The following CCDC40 variants were observed in gnomAD, a reference collection of about 807,000 sequenced individuals.
CCDC40 encodes the protein coiled-coil domain-containing protein 40.
CCDC40 carries 104 observed loss-of-function variants against 124.5 expected under a neutral mutation model. The ratio of observed to expected loss-of-function variants is 0.84; its 90% CI spans 0.71 to 0.98. CCDC40 has a LOEUF of 0.98. CCDC40 is among the 50% of genes least tolerant of loss of function. The pLI is 0.00. For missense variants in CCDC40, 1,463 were observed against 1,503.9 expected (o/e 0.97, Z 0.45); for synonymous variants, 580 against 602.9 (o/e 0.96, Z 0.56).
intron 10 of CCDC40, among the ~76,000 whole-genome samples, chr17:80,071,898 G>A (rs1248603322): frequency 7.2e-6 from 1 of 139,224 alleles, no homozygotes; most frequent in East Asian, 2.2e-4. Flanking sequence ...GTGCAATGGT[G>A]CGATCTCAGC....
chr17:80,072,607 C>A (rs925010643), intron 10 of CCDC40, among the ~76,000 whole-genome samples: 1 of 152,212 alleles, frequency 6.6e-6, no homozygotes, highest in African/African-American at 2.4e-5. Context: ...CCAGCCCTGG[C>A]AACCGCTGTG....
chr17:80,038,058 G>A, intron 1 of CCDC40, 65 bp from the exon 2 acceptor site: 1 of 1,045,558 alleles, frequency 9.6e-7, no homozygotes. Flanking sequence ...GAATTCAGGA[G>A]GGGATAAGGA....
At chr17:80,071,783 G>A (rs575078918) in intron 10 of CCDC40, among the ~76,000 whole-genome samples, 6 of 151,950 alleles carry the variant, frequency 3.9e-5, no homozygotes, top group Middle Eastern at 3.4e-3. Context: ...GGGCTGAGCC[G>A]GGGTGCCTGG....
At chr17:80,057,999 C>T (rs566679846) in intron 7 of CCDC40, among the ~76,000 whole-genome samples, 3 of 152,298 alleles carry the variant, frequency 2.0e-5, no homozygotes, top group African/African-American at 4.8e-5. Context: ...ATGGAAGCTG[C>T]TGCCTCTTCT....
At chr17:80,095,582 T>C (rs1010589172) in intron 18 of CCDC40, 131 bp downstream of exon 18, 7 of 819,310 alleles carry the variant, frequency 8.5e-6, no homozygotes, top group South Asian at 1.6e-5. Flanking sequence ...TCAGCACTGC[T>C]AACCTGCTGC....
In CCDC40 at chr17:80,036,680, C is replaced by T. The variant is rs533801756; in HGVS notation, c.18C>T (p.Gly6=). 5.8e-5 allele frequency: 85 copies of T among 1,457,582 alleles called. 1 individual carries two copies. The South Asian group carries it at 1.0e-3, about 17-fold the overall frequency. 90.3% of individuals were successfully genotyped at this position (1,457,582 alleles called of 1,614,324 possible). A position where few individuals can be genotyped will look rare whatever the true frequency, so the allele number is the denominator to read the frequency against. MAEPG[G]AAGRSHPEDG... Reference sequence around the variant, plus strand: ...AACGGGAAATGGCGGAACCGGGCGGCGCGGCGGGCCGGTAAGCCGGGCCGA... The same window carrying T: ...AACGGGAAATGGCGGAACCGGGCGGTGCGGCGGGCCGGTAAGCCGGGCCGA... The change falls in exon 1 of 20, where the codon GGC becomes GGT. Residue 6 remains glycine (G), a synonymous_variant. Transcript: ENST00000397545.
At chr17:80,073,436 T>G (rs1393462287) in intron 10 of CCDC40, among the ~76,000 whole-genome samples, 1 of 152,202 alleles carries the variant, frequency 6.6e-6, no homozygotes, top group Non-Finnish European at 1.5e-5. Context: ...TCATCGTCCG[T>G]TATGGTGATC....
Position 80,084,934 on chromosome 17 carries a change from AGG to A in CCDC40, c.2183_2184del (p.Gly728AlafsTer27), listed in dbSNP as rs751191119. 2.5e-5 allele frequency: 40 copies of A among 1,613,954 alleles called. No homozygotes were observed. The highest frequency in any genetic ancestry group is 2.9e-5 in the Non-Finnish European group (34 of 1,180,026). ...RRTILIERKQ[G>X]LINFLNKQLE... ...GCACGATCCTGATCGAGAGGAAGCA[AGG>A]GCTCATCAACTTCCTCAACAAGCAG... On this transcript the variant is annotated frameshift_variant, in exon 13 of 20. Coordinates refer to ENST00000397545, the MANE Select transcript of CCDC40 (RefSeq NM_017950.4). LOFTEE classifies it high-confidence loss of function.
chr17:80,092,333 G>A (rs1377805115), intron 17 of CCDC40, among the ~76,000 whole-genome samples: 1 of 151,822 alleles, frequency 6.6e-6, no homozygotes. Context: ...ACTGTGCCCA[G>A]CCAGCCCTAC....
chr17:80,097,173 C>T, intron 18 of CCDC40, 72 bp from the exon 19 acceptor site: 1 of 1,556,068 alleles, frequency 6.4e-7, no homozygotes, highest in Non-Finnish European at 8.8e-7. Context: ...GCAGGTCCTC[C>T]CAGCCTGACT....
rs375800869 is a variant in CCDC40 at position 80,065,500 on chromosome 17, G to A, written c.1456G>A (p.Asp486Asn). 90 of 1,612,172 alleles carry A rather than the reference G, an allele frequency of 5.6e-5. No individual in the cohort carries two copies. Among genetic ancestry groups the A allele is most frequent in the African/African-American group, 5.4e-4 (40 of 74,654 alleles). ...TTGGCTGCAGGCCTGCACCGAGATC[G>A]ACGCCATCAGCGTGGAGAAGAGGCG... is the stretch of plus-strand genomic sequence containing the variant. ...KAVSEACTEIDAISVEKRRIM... is the reference protein window; with the variant it reads ...KAVSEACTEINAISVEKRRIM... The change falls in exon 10 of 20, where the codon GAC becomes AAC. Residue 486 changes from aspartate (D) to asparagine (N), a missense_variant. Physicochemically the swap from Asp to Asn is conservative, Grantham distance 23 (BLOSUM62 1). Coordinates refer to ENST00000397545, the MANE Select transcript of CCDC40 (RefSeq NM_017950.4).
intron 2 of CCDC40, 125 bp downstream of exon 2, chr17:80,038,311 A>T (rs777560927): frequency 1.0e-5 from 7 of 668,056 alleles, no homozygotes; most frequent in Non-Finnish European, 1.9e-5. Flanking sequence ...CAGGTGGATC[A>T]CATGAGGTTA....
rs1343921500 is a variant in CCDC40, at chr17:80,086,322, C to T, written c.2449+106C>T. 9 of 910,650 alleles carry T rather than the reference C, an allele frequency of 9.9e-6. No individual in the cohort carries two copies. Among genetic ancestry groups the T allele is most frequent in the African/African-American group, 6.6e-5 (4 of 60,500 alleles). 56.4% of individuals were successfully genotyped at this position (910,650 alleles called of 1,614,324 possible). On this transcript the variant is annotated intron_variant, in intron 14 of 19. Transcript: ENST00000397545. This position sits in a 1 kb window ranked among gnomAD's most constrained non-coding sequence, Gnocchi z 5.5. Reference sequence around the variant, plus strand: ...AGTGGGGCACGTCGCTGGATTTGCACGCAGCCTTAAAAGCAAATAACAAAC... The same window carrying T: ...AGTGGGGCACGTCGCTGGATTTGCATGCAGCCTTAAAAGCAAATAACAAAC...
chr17:80,062,890 A>C (rs925353623), intron 9 of CCDC40, among the ~76,000 whole-genome samples: 6 of 151,928 alleles, frequency 3.9e-5, no homozygotes, highest in Non-Finnish European at 8.8e-5. Context: ...CGCACCTGGC[A>C]CAATACATTA....
intron 9 of CCDC40, among the ~76,000 whole-genome samples, chr17:80,064,589 C>T (rs1210589959): frequency 6.6e-6 from 1 of 152,110 alleles, no homozygotes; most frequent in Non-Finnish European, 1.5e-5. Context: ...CCCAGGCAGC[C>T]GTACCAGCCT....
chr17:80,059,091 G>GCAGC lies in CCDC40; in HGVS notation c.1440+116_1440+119dup, dbSNP rs2037828756. On this transcript the variant is annotated intron_variant, in intron 9 of 19. Transcript: ENST00000397545. The stretch of plus-strand genomic sequence containing the variant: ...CTGCCCGTCTGCTGGATGAGTGACT[G>GCAGC]CAGCCAGCTTACATCTGCAAACATC... The GCAGC allele has an allele frequency of 5.9e-6, 8 of 1,357,418 alleles. No individual in the cohort carries two copies. The East Asian group carries it at 1.6e-4, about 27-fold the overall frequency. The allele number at this position is 1,357,418 out of a possible 1,614,324, so 84.1% of individuals were successfully genotyped here. A position where few individuals can be genotyped will look rare whatever the true frequency, so the allele number is the denominator to read the frequency against.
intron 9 of CCDC40, among the ~76,000 whole-genome samples, chr17:80,060,163 G>A (rs1341711310): frequency 1.3e-5 from 2 of 152,108 alleles, no homozygotes; most frequent in African/African-American, 4.8e-5. Flanking sequence ...CCAAGACAAG[G>A]GACTTTCCAT....
chr17:80,055,945 G>C (rs1056242276), intron 7 of CCDC40, among the ~76,000 whole-genome samples: 1 of 133,442 alleles, frequency 7.5e-6, no homozygotes, highest in African/African-American at 2.8e-5. Flanking sequence ...CCAAGTAGCT[G>C]GGACTACACA....
rs374380688 is a variant in CCDC40 at position 80,051,126 on chromosome 17, G to A, written c.1159+843G>A. On this transcript the variant is annotated intron_variant, in intron 7 of 19. Coordinates refer to ENST00000397545, the MANE Select transcript of CCDC40 (RefSeq NM_017950.4). ...GACAGTGGCTTCCTCTTGTGACTAC[G>A]GAGTATTTCAGTCTTTATGCTTTTT... Among the ~76,000 whole-genome samples the A allele has an allele frequency of 5.2e-3, 799 of 152,262 alleles. 6 individuals carry two copies. The highest frequency in any genetic ancestry group is 0.017 in the African/African-American group (709 of 41,534).
Sources: gnomAD v4.1 joint callset for allele counts (sites outside exome capture counted in the v4.1 genomes callset) on GRCh38, gnomAD v4.1.1 for gene constraint, Gnocchi (gnomAD v3.1) non-coding constraint, MANE v1.5 for transcripts, NCBI Gene and HGNC (gene_info 2026-07-23, HGNC 2026-07-21) for gene names.